The following HUWE1 variants were observed in gnomAD, a reference collection of about 807,000 sequenced individuals.
HUWE1 encodes the protein HECT, UBA and WWE domain containing E3 ubiquitin protein ligase 1, also known as E3 ubiquitin-protein ligase HUWE1.
HUWE1 carries 18 observed loss-of-function variants against 299.4 expected under a neutral mutation model. The observed-to-expected ratio is 0.06, with a 90% CI of 0.04 to 0.09. The LOEUF is 0.09. HUWE1 is among the 10% of genes least tolerant of loss of function. The pLI is 1.00. For synonymous variants in HUWE1, 1,317 were observed against 1,286.1 expected (o/e 1.02, Z -0.51); for missense variants, 1,832 against 3,462.3 (o/e 0.53, Z 11.82).
chrX:53,616,013 A>C (rs2065779471), intron 21 of HUWE1, among the ~76,000 whole-genome samples, 178 bp from the exon 22 acceptor site: 2 of 111,161 alleles, frequency 1.8e-5, no homozygotes, highest in South Asian at 7.7e-4. Flanking sequence ...CCTGGACTCA[A>C]GCGATCCTCC....
At chrX:53,632,026 G>A (rs1258952926) in intron 9 of HUWE1, 4 of 341,069 alleles carry the variant, frequency 1.2e-5, no homozygotes, top group Admixed American at 6.5e-5. Flanking sequence ...AATAGTATAG[G>A]TAGAAGAGAA....
intron 3 of HUWE1, among the ~76,000 whole-genome samples, chrX:53,671,144 G>A (rs1051928060): frequency 2.7e-5 from 3 of 111,351 alleles, no homozygotes; most frequent in Admixed American, 9.6e-5. Flanking sequence ...GATGGGAAAG[G>A]GGTGAGGGAT....
intron 54 of HUWE1, 77 bp from the exon 55 acceptor site, chrX:53,562,001 CAT>C (rs1556941601): frequency 1.9e-5 from 23 of 1,209,120 alleles, no homozygotes; most frequent in African/African-American, 7.0e-5. Flanking sequence ...CACATGTGCA[CAT>C]GAGGGAGGGA....
intron 35 of HUWE1, 41 bp from the exon 36 acceptor site, chrX:53,589,857 GT>G (rs2064058497): frequency 1.7e-6 from 2 of 1,160,310 alleles, no homozygotes; most frequent in African/African-American, 3.5e-5. Context: ...CACAGGAGAG[GT>G]GAAGGAGGAA....
chrX:53,555,217 A>T (rs1299118193), intron 60 of HUWE1, among the ~76,000 whole-genome samples: 4 of 112,126 alleles, frequency 3.6e-5, no homozygotes, highest in Non-Finnish European at 7.5e-5. Context: ...ATATAGGGTG[A>T]GGCTAAATGT....
intron 66 of HUWE1, among the ~76,000 whole-genome samples, 196 bp from the exon 67 acceptor site, chrX:53,549,701 T>C (rs1444956067): frequency 9.1e-6 from 1 of 110,495 alleles, no homozygotes; most frequent in Non-Finnish European, 1.9e-5. Context: ...ACAATGACTG[T>C]ACATCATCCT....
At chrX:53,603,713 G>A (rs189648462) in intron 26 of HUWE1, among the ~76,000 whole-genome samples, 11 of 111,914 alleles carry the variant, frequency 9.8e-5, no homozygotes, top group Admixed American at 3.8e-4. Flanking sequence ...CACAACATCC[G>A]TTCTCATTGT....
chrX:53,646,488 C>G (rs1030819866), intron 6 of HUWE1, among the ~76,000 whole-genome samples: 3 of 111,564 alleles, frequency 2.7e-5, no homozygotes, highest in African/African-American at 9.8e-5. Flanking sequence ...AATTAAAATT[C>G]ACCAATACAT....
In HUWE1 at chrX:53,534,585, C is replaced by T. The variant is rs143818136; in HGVS notation, c.12762G>A (p.Leu4254=). Residue 4254 remains leucine (L), a synonymous_variant, in exon 82 of 84, where the codon CTG becomes CTA. Transcript: ENST00000262854. ...TCAGATCATCGATGTCAATGGTGGG[C>T]AGTCCTGATATAAGCAGCTCTAACT... ...EQELELLISG[L]PTIDIDDLKS... The T allele has an allele frequency of 2.2e-4, 260 of 1,207,934 alleles. 1 individual carries two copies. In the Middle Eastern group the frequency reaches 6.3e-3, roughly 29 times the overall value.
chrX:53,533,482 C>T, intron 83 of HUWE1, 71 bp from the exon 84 acceptor site: 1 of 710,007 alleles, frequency 1.4e-6, no homozygotes, highest in Non-Finnish European at 2.2e-6. Flanking sequence ...TCCCATGGTG[C>T]CCACCAGCCC....
chrX:53,682,187 C>T (rs2070196116), intron 2 of HUWE1, among the ~76,000 whole-genome samples: 1 of 111,864 alleles, frequency 8.9e-6, no homozygotes, highest in Non-Finnish European at 1.9e-5. Flanking sequence ...TATGTGCCTA[C>T]CATGAGCTAA....
At chrX:53,632,451 G>A (rs1404771289) in intron 9 of HUWE1, 36 bp downstream of exon 9, 11 of 1,031,864 alleles carry the variant, frequency 1.1e-5, no homozygotes, top group Middle Eastern at 2.5e-4. Context: ...ACAGTAAATT[G>A]TAGACTTTGT....
chrX:53,539,767 G>A lies in HUWE1; in HGVS notation c.11522C>T (p.Pro3841Leu), dbSNP rs1556916775. 5.0e-6 allele frequency: 6 copies of A among 1,211,112 alleles called. No individual in the cohort carries two copies. The highest frequency in any genetic ancestry group is 6.7e-6 in the Non-Finnish European group (6 of 894,848). ...CTCGCTGAGCAGGGGTAACTCAGGT[G>A]GTCTTTCTTCCTTTTCCTTCTCCCC... The part of the protein sequence containing the change: ...PQGEKEKEER[P>L]PELPLLSEQL... The change falls in exon 75 of 84, where the codon CCA becomes CTA. Residue 3841 changes from proline (P) to leucine (L), a missense_variant. Pro to Leu is a moderately conservative substitution (Grantham distance 98, BLOSUM62 -3). Around this residue, in one of 15 missense-constraint regions of HUWE1, gnomAD observed 27 missense variants for 21.1 expected, o/e 1.28. Transcript: ENST00000262854.
In HUWE1 at chrX:53,679,174, A is replaced by G. The variant is rs186396031; in HGVS notation, c.-25+875T>C. Among the ~76,000 whole-genome samples, 978 of 108,223 alleles carry G rather than the reference A, an allele frequency of 9.0e-3. 9 individuals carry two copies. The highest frequency in any genetic ancestry group is 0.031 in the African/African-American group (937 of 29,910). The allele number at this position is 108,223 out of a possible 115,157, so 94.0% of individuals were successfully genotyped here. A position where few individuals can be genotyped will look rare whatever the true frequency, so the allele number is the denominator to read the frequency against. ...ATTTCTTCAACAAATAAATTGGAAG[A>G]AAAAAAAAACAAAAGACAGAACCTG... On this transcript the variant is annotated intron_variant, in intron 3 of 83. Coordinates refer to ENST00000262854, the MANE Select transcript of HUWE1 (RefSeq NM_031407.7).
At position 53,594,044 on chromosome X, in the gene HUWE1, T is replaced by C. The variant is rs375987619; in HGVS notation, c.3504-443A>G. Reference sequence around the variant, plus strand: ...CCCGGGAGGCGGACCTTGCAGTGAGTTGAGTTTGCGCCACTGCACTCCAGC... The same window carrying C: ...CCCGGGAGGCGGACCTTGCAGTGAGCTGAGTTTGCGCCACTGCACTCCAGC... On this transcript the variant is annotated intron_variant, in intron 31 of 83. Coordinates refer to ENST00000262854, the MANE Select transcript of HUWE1 (RefSeq NM_031407.7). 2.3e-4 allele frequency among the ~76,000 whole-genome samples: 25 copies of C among 109,996 alleles called. No individual in the cohort carries two copies. The South Asian group carries it at 9.4e-3, about 41-fold the overall frequency.
chrX:53,577,788 C>A (rs372460567), intron 43 of HUWE1, among the ~76,000 whole-genome samples: 1 of 113,096 alleles, frequency 8.8e-6, no homozygotes, highest in Non-Finnish European at 1.9e-5. Context: ...CCTCCCGAGG[C>A]GCCGGGATTG....
At chrX:53,552,472 G>C in intron 62 of HUWE1, 31 bp from the exon 63 acceptor site, 1 of 1,209,109 alleles carries the variant, frequency 8.3e-7, no homozygotes, top group Non-Finnish European at 1.1e-6. Flanking sequence ...GTTGCTGTCT[G>C]TATTATGTCT....
chrX:53,589,302 C>T (rs1358050570), intron 36 of HUWE1, among the ~76,000 whole-genome samples: 3 of 111,967 alleles, frequency 2.7e-5, no homozygotes, highest in Non-Finnish European at 5.6e-5. Flanking sequence ...AAGGGTGAGG[C>T]ACATTTTAGA....
rs781995330 is a variant in HUWE1 at position 53,615,508 on chromosome X, G to A, written c.2049+236C>T. 7.2e-5 allele frequency among the ~76,000 whole-genome samples: 8 copies of A among 111,765 alleles called. No individual in the cohort carries two copies. In the East Asian group the frequency reaches 1.1e-3, roughly 16 times the overall value. On this transcript the variant is annotated intron_variant, in intron 22 of 83. Transcript: ENST00000262854. ...CTCCCAAAGTGCCAGGATTACAGGC[G>A]TGAGCCACTGCACCCAGGCTAAAAA... is the stretch of plus-strand genomic sequence containing the variant.
Sources: allele counts gnomAD v4.1 joint callset (sites outside exome capture counted in the v4.1 genomes callset), GRCh38; gene constraint gnomAD v4.1.1; regional missense constraint gnomAD v4.1.1; transcripts MANE v1.5; gene names NCBI Gene and HGNC (gene_info 2026-07-23, HGNC 2026-07-21).